The following GRSF1 variants were observed in gnomAD, a reference collection of about 807,000 sequenced individuals.
The protein encoded by GRSF1 is G-rich sequence factor 1.
In GRSF1, 50 loss-of-function variants were observed where a neutral mutation model predicts 51.1. The observed-to-expected ratio is 0.98, with a 90% CI of 0.78 to 1.24. The LOEUF (loss-of-function observed/expected upper bound fraction) is 1.24, where lower values mean the gene tolerates loss of function less well. Ranked by LOEUF, GRSF1 falls within the 50% of genes most tolerant of loss-of-function variation. The probability of loss-of-function intolerance (pLI) is 0.00; values close to 1 mark genes in which losing one functional copy is unlikely to be tolerated. For missense variants in GRSF1, 700 were observed against 639.7 expected (o/e 1.09, Z -1.02); for synonymous variants, 293 against 253.3 (o/e 1.16, Z -1.49).
At chr4:70,831,096 G>A (rs1384902933) in intron 5 of GRSF1, among the ~76,000 whole-genome samples, 1 of 152,034 alleles carries the variant, frequency 6.6e-6, no homozygotes, top group Admixed American at 6.5e-5. Flanking sequence ...GGTGGCTCAC[G>A]CCTGTAATCC....
At chr4:70,824,853 G>A (rs185137117) in intron 8 of GRSF1, among the ~76,000 whole-genome samples, 282 of 152,142 alleles carry the variant, frequency 1.9e-3, no homozygotes, top group African/African-American at 6.6e-3. Context: ...CTGTAATCCC[G>A]GCACTTTGGG....
At chr4:70,840,746 G>C (rs551323271), upstream of GRSF1, among the ~76,000 whole-genome samples, 109 of 152,208 alleles carry the variant, frequency 7.2e-4, no homozygotes, top group African/African-American at 2.5e-3. Flanking sequence ...CTGGGCGACA[G>C]AGTGAGACGC....
upstream of GRSF1, among the ~76,000 whole-genome samples, chr4:70,842,650 C>A (rs772071142): frequency 6.6e-6 from 1 of 152,082 alleles, no homozygotes. Flanking sequence ...ATGGGTTAGC[C>A]CTTCCTAACA....
In GRSF1 at chr4:70,819,480, AAT is replaced by A. The variant is rs1240824080; in HGVS notation, c.*1405_*1406del. 1 of 152,182 alleles carries A rather than the reference AAT, an allele frequency of 6.6e-6. No individual in the cohort carries two copies. The highest frequency in any genetic ancestry group is 1.9e-4 in the East Asian group (1 of 5,202). 9.4% of individuals were successfully genotyped at this position (152,182 alleles called of 1,614,324 possible). On this transcript the variant is annotated 3_prime_UTR_variant, in exon 10 of 10. Coordinates refer to ENST00000254799, the MANE Select transcript of GRSF1 (RefSeq NM_002092.4). ...TTAATATAGCAGGACTTGAGGTAAT[AAT>A]ATATTCAGTTGACTCACAGACTCCA...
At chr4:70,824,574 A>G (rs1733657350) in intron 8 of GRSF1, among the ~76,000 whole-genome samples, 1 of 152,026 alleles carries the variant, frequency 6.6e-6, no homozygotes, top group South Asian at 2.1e-4. Context: ...CACCTGAGGT[A>G]AGGAGTTCAA....
At position 70,832,381 on chromosome 4, in the gene GRSF1, A is replaced by G. The variant is rs779340172; in HGVS notation, c.740T>C (p.Val247Ala). ...KSLQVKSSPVVNDGVVRLRGL... is the reference protein window; with the variant it reads ...KSLQVKSSPVANDGVVRLRGL... ...TCTCAAACGAACCACACCATCATTT[A>G]CCACAGGCGAAGATTTGACCTGCAA... The change falls in exon 4 of 10, where the codon GTA (valine) becomes GCA (alanine). Residue 247 changes from valine (V) to alanine (A), a missense_variant. By Grantham distance (64) the Val-to-Ala change is moderately conservative (BLOSUM62 0). Coordinates refer to ENST00000254799, the MANE Select transcript of GRSF1 (RefSeq NM_002092.4). 6.2e-7 allele frequency: 1 copy of G among 1,611,438 alleles called. No homozygotes were observed. The highest frequency in any genetic ancestry group is 8.5e-7 in the Non-Finnish European group (1 of 1,178,148).
chr4:70,839,802 C>G lies in GRSF1; in HGVS notation c.26G>C (p.Gly9Ala). 1 of 1,503,390 alleles carries G rather than the reference C, an allele frequency of 6.7e-7. No individual in the cohort carries two copies. Among genetic ancestry groups the G allele is most frequent in the Non-Finnish European group, 8.8e-7 (1 of 1,133,426 alleles). 93.1% of individuals were successfully genotyped at this position (1,503,390 alleles called of 1,614,324 possible). A position where few individuals can be genotyped will look rare whatever the true frequency, so the allele number is the denominator to read the frequency against. ...ACAGCCGCAGCCCCGGAGCAGCGCC[C>G]CGAGTACCCAGCGCGTGCCGGCCAT... MAGTRWVL[G>A]ALLRGCGCNC... Residue 9 changes from glycine to alanine, a missense_variant, in exon 1 of 10, where the codon GGG becomes GCG. Gly to Ala is a moderately conservative substitution (Grantham distance 60). Coordinates refer to ENST00000254799, the MANE Select transcript of GRSF1 (RefSeq NM_002092.4).
Position 70,829,351 on chromosome 4 carries a change from T to G in GRSF1, c.951-1315A>C, listed in dbSNP as rs200361844. ...CCATCTCTACAAAAGTTTTTTTTTG[T>G]TTTTTTTTTTAATTAGCCAGGAGAC... On this transcript the variant is annotated intron_variant, in intron 5 of 9. Transcript: ENST00000254799. 3.7e-3 allele frequency among the ~76,000 whole-genome samples: 14 copies of G among 3,834 alleles called. No homozygotes were observed. The Non-Finnish European group carries it at 0.33, about 91-fold the overall frequency. The allele number at this position is 3,834 out of a possible 152,430, so 2.5% of individuals were successfully genotyped here. A position where few individuals can be genotyped will look rare whatever the true frequency, so the allele number is the denominator to read the frequency against.
At position 70,832,390 on chromosome 4, in the gene GRSF1, G is replaced by T; in HGVS notation, c.731C>A (p.Ser244Ter). Residue 244 changes from serine to a stop codon, truncating the protein, a stop_gained, in exon 4 of 10, where the codon TCG (serine) becomes TAG (stop). Coordinates refer to ENST00000254799, the MANE Select transcript of GRSF1 (RefSeq NM_002092.4). LOFTEE classifies it high-confidence loss of function. The part of the protein sequence containing the change: ...ALMKSLQVKS[S>*]PVVNDGVVRL... ...AACCACACCATCATTTACCACAGGC[G>T]AAGATTTGACCTGCAAGCTCTTCAT... 6.2e-7 allele frequency: 1 copy of T among 1,611,344 alleles called. No homozygotes were observed. Among genetic ancestry groups the T allele is most frequent in the Non-Finnish European group, 8.5e-7 (1 of 1,177,594 alleles).
At chr4:70,821,644 A>C (rs1489763103) in intron 9 of GRSF1, among the ~76,000 whole-genome samples, 1 of 148,604 alleles carries the variant, frequency 6.7e-6, no homozygotes, top group Admixed American at 6.8e-5. Flanking sequence ...GGATATAGTA[A>C]TAGAATGAAT....
chr4:70,826,346 T>A (rs544635844), intron 6 of GRSF1, 101 bp from the exon 7 acceptor site: 2 of 1,010,148 alleles, frequency 2.0e-6, no homozygotes, highest in African/African-American at 3.3e-5. Context: ...CCTCAATTCC[T>A]CTTAAGAGCA....
rs1323742123 is a variant in GRSF1 at position 70,836,296 on chromosome 4, G to C, written c.376C>G (p.Leu126Val). 6.3e-7 allele frequency: 1 copy of C among 1,584,322 alleles called. No homozygotes were observed. The highest frequency in any genetic ancestry group is 8.5e-7 in the Non-Finnish European group (1 of 1,170,932). Residue 126 changes from leucine to valine, a missense_variant, in exon 2 of 10, where the codon CTG (leucine) becomes GTG (valine). Coordinates refer to ENST00000254799, the MANE Select transcript of GRSF1 (RefSeq NM_002092.4). Reference sequence around the variant, plus strand: ...TCAGGGGGTGGTGGAAGGTCTTCCAGGTAAGTAGTTTTGGACTCCTTCCAA... The same window carrying C: ...TCAGGGGGTGGTGGAAGGTCTTCCACGTAAGTAGTTTTGGACTCCTTCCAA... Reference protein sequence around the residue: ...SYSQESKTTYLEDLPPPPEYE... With the variant: ...SYSQESKTTYVEDLPPPPEYE...
In GRSF1 at chr4:70,832,308, T is replaced by G; in HGVS notation, c.813A>C (p.Ala271=). The G allele has an allele frequency of 6.2e-7, 1 of 1,613,112 alleles. No individual in the cohort carries two copies. Among genetic ancestry groups the G allele is most frequent in the Non-Finnish European group, 8.5e-7 (1 of 1,179,354 alleles). The change falls in exon 4 of 10, where the codon GCA becomes GCC. Residue 271 remains alanine (A), a splice_region_variant and synonymous_variant. Transcript: ENST00000254799. Reference sequence around the variant, plus strand: ...AAGCATAATACAACTGCAAAGTACCTGCAAAGAAGTCTACAATGTCTTTCT... The same window carrying G: ...AAGCATAATACAACTGCAAAGTACCGGCAAAGAAGTCTACAATGTCTTTCT... ...CNEKDIVDFF[A]GLNIVDITFV...
At chr4:70,839,364 C>A in intron 1 of GRSF1, 107 bp downstream of exon 1, 38 of 1,505,912 alleles carry the variant, frequency 2.5e-5, no homozygotes, top group Non-Finnish European at 3.2e-5. Context: ...TGTCGCGGAT[C>A]CCCGGGCGTG....
Position 70,824,345 on chromosome 4 carries a change from G to A in GRSF1, c.1417C>T (p.Leu473=). The A allele has an allele frequency of 6.7e-7, 1 of 1,493,554 alleles. No homozygotes were observed. Among genetic ancestry groups the A allele is most frequent in the Non-Finnish European group, 9.3e-7 (1 of 1,081,010 alleles). The allele number at this position is 1,493,554 out of a possible 1,614,324, so 92.5% of individuals were successfully genotyped here. ...HVHHRYIELF[L]NSCPKGK is the part of the protein sequence containing the mutation. ...TATTTTCCTTTTGGACATGAATTCA[G>A]GAACAGTTCAATATACCTATGATCT... The change falls in exon 9 of 10, where the codon CTG becomes TTG. Residue 473 remains leucine (L), a synonymous_variant. Coordinates refer to ENST00000254799, the MANE Select transcript of GRSF1 (RefSeq NM_002092.4).
chr4:70,837,816 T>C (rs1734278361), intron 1 of GRSF1, among the ~76,000 whole-genome samples: 1 of 151,430 alleles, frequency 6.6e-6, no homozygotes, highest in Admixed American at 6.6e-5. Flanking sequence ...TTTTGCATTT[T>C]TTTAGTAGAC....
At chr4:70,827,171 CCA>C (rs1229450254) in intron 6 of GRSF1, among the ~76,000 whole-genome samples, 1 of 151,906 alleles carries the variant, frequency 6.6e-6, no homozygotes, top group African/African-American at 2.4e-5. Context: ...GCCTGTAGTC[CCA>C]GCTACTCGGG....
At chr4:70,839,413 G>C (rs760514049) in intron 1 of GRSF1, 58 bp downstream of exon 1, 2 of 1,506,074 alleles carry the variant, frequency 1.3e-6, no homozygotes, top group Non-Finnish European at 8.9e-7. Flanking sequence ...GGGCGCGGGG[G>C]CGCGTGCACG....
rs770159435 is a variant in GRSF1 at position 70,836,282 on chromosome 4, T to C, written c.390A>G (p.Pro130=). The C allele has an allele frequency of 5.6e-6, 9 of 1,596,082 alleles. No individual in the cohort carries two copies. The highest frequency in any genetic ancestry group is 3.7e-5 in the Admixed American group (2 of 54,620). ...ESKTTYLEDL[P]PPPEYELAPS... is the part of the protein sequence containing the mutation. ...GGGCCAATTCATACTCAGGGGGTGG[T>C]GGAAGGTCTTCCAGGTAAGTAGTTT... Residue 130 remains proline, a synonymous_variant, in exon 2 of 10, where the codon CCA becomes CCG. Transcript: ENST00000254799.
Sources: allele counts gnomAD v4.1 joint callset (sites outside exome capture counted in the v4.1 genomes callset), GRCh38; gene constraint gnomAD v4.1.1; transcripts MANE v1.5; gene names NCBI Gene and HGNC (gene_info 2026-07-23, HGNC 2026-07-21).